The following KLF12 variants were observed in gnomAD, a reference collection of about 807,000 sequenced individuals.
KLF12 encodes Krueppel-like factor 12.
KLF12 carries 9 observed loss-of-function variants against 37.8 expected under a neutral mutation model. That is an observed-to-expected ratio of 0.24 (90% confidence interval 0.14 to 0.42). KLF12 has a LOEUF of 0.42. KLF12 is among the 10% of genes least tolerant of loss of function. The pLI is 1.00. For missense variants in KLF12, 411 were observed against 516.0 expected, an observed-to-expected ratio of 0.80 and a Z score of 1.97; for synonymous variants, 208 against 202.1, an observed-to-expected ratio of 1.03 and a Z score of -0.25.
chr13:73,976,081 A>G (rs1189089690), intron 2 of KLF12, among the ~76,000 whole-genome samples: 3 of 86,172 alleles, frequency 3.5e-5, no homozygotes, highest in Non-Finnish European at 5.5e-5. Flanking sequence ...TGCCTGGCAC[A>G]TAATAAGTCA....
chr13:74,221,948 C>T, the KLF12 span, among the ~76,000 whole-genome samples: 2 of 152,172 alleles, frequency 1.3e-5, no homozygotes, highest in Admixed American at 6.5e-5. Context: ...ATTTATGTGG[C>T]AATTTATCTT....
At chr13:73,884,264 C>A (rs180733116) in intron 3 of KLF12, among the ~76,000 whole-genome samples, 79 of 152,268 alleles carry the variant, frequency 5.2e-4, no homozygotes, top group South Asian at 1.2e-3. Flanking sequence ...AGCTGAAGGA[C>A]ATATCAATAC....
intron 3 of KLF12, among the ~76,000 whole-genome samples, chr13:73,873,370 A>G (rs905529028): frequency 6.6e-6 from 1 of 152,184 alleles, no homozygotes; most frequent in Non-Finnish European, 1.5e-5. Context: ...TGAGATTTCA[A>G]TCATTTCATC....
At position 73,718,682 on chromosome 13, in the gene KLF12, C is replaced by G. The variant is rs375905596; in HGVS notation, c.870-3157G>C. Reference sequence around the variant, plus strand: ...CTGATGTAGGTAGATCCCTTGAGCTCAGGAGTTCAAGACCAGCCAGGGCAA... The same window carrying G: ...CTGATGTAGGTAGATCCCTTGAGCTGAGGAGTTCAAGACCAGCCAGGGCAA... On this transcript the variant is annotated intron_variant, in intron 6 of 7. Transcript: ENST00000377669. Among the ~76,000 whole-genome samples the G allele has an allele frequency of 2.8e-4, 42 of 152,250 alleles. 6 individuals are homozygous for G. The highest frequency in any genetic ancestry group is 1.7e-3 in the Admixed American group (26 of 15,288).
At chr13:73,854,819 C>A (rs1357663250) in intron 3 of KLF12, among the ~76,000 whole-genome samples, 1 of 152,202 alleles carries the variant, frequency 6.6e-6, no homozygotes, top group Non-Finnish European at 1.5e-5. Context: ...TTCATTATCT[C>A]TCCAATCCTA....
intron 1 of KLF12, among the ~76,000 whole-genome samples, chr13:74,109,366 G>A (rs1320066230): frequency 6.6e-6 from 1 of 151,846 alleles, no homozygotes; most frequent in East Asian, 1.9e-4. Context: ...CAGCTTTGCT[G>A]GAGTGCAGGG....
intron 1 of KLF12, among the ~76,000 whole-genome samples, chr13:74,009,951 GCTTTTA>G (rs1414903071): frequency 1.3e-5 from 2 of 152,060 alleles, no homozygotes; most frequent in Non-Finnish European, 2.9e-5. Context: ...ACTTTTATTT[GCTTTTA>G]CTTTTATTTT....
chr13:73,794,286 C>T (rs1241133379), intron 5 of KLF12, among the ~76,000 whole-genome samples: 2 of 152,196 alleles, frequency 1.3e-5, no homozygotes, highest in Admixed American at 6.5e-5. Flanking sequence ...CATGGCGAAA[C>T]CCTGTCTCTA....
chr13:74,082,750 C>A (rs1874989453), intron 1 of KLF12, among the ~76,000 whole-genome samples: 1 of 151,942 alleles, frequency 6.6e-6, no homozygotes, highest in Non-Finnish European at 1.5e-5. Context: ...TTTAACTGGA[C>A]CTTTAGCAAG....
At chr13:73,828,507 T>A (rs1883969250) in intron 4 of KLF12, among the ~76,000 whole-genome samples, 1 of 149,860 alleles carries the variant, frequency 6.7e-6, no homozygotes, top group South Asian at 2.1e-4. Context: ...CCTAGATTTA[T>A]CTTTTCCTTT....
chr13:74,129,657 T>C (rs748568899), intron 1 of KLF12, among the ~76,000 whole-genome samples: 8 of 144,362 alleles, frequency 5.5e-5, no homozygotes, highest in Non-Finnish European at 9.1e-5. Context: ...ACCATGAGAG[T>C]AGCAACAAAA....
intron 1 of KLF12, among the ~76,000 whole-genome samples, chr13:74,125,626 C>G (rs1271655036): frequency 6.6e-6 from 1 of 152,166 alleles, no homozygotes; most frequent in Non-Finnish European, 1.5e-5. Context: ...TCTACTATTA[C>G]CACTGCTGCA....
the KLF12 span, among the ~76,000 whole-genome samples, chr13:74,272,929 A>G: frequency 6.6e-6 from 1 of 152,098 alleles, no homozygotes; most frequent in Non-Finnish European, 1.5e-5. Flanking sequence ...ATAAAAGTAA[A>G]AGCTTAAAAA....
At chr13:74,165,766 T>C in the KLF12 span, among the ~76,000 whole-genome samples, 1 of 152,182 alleles carries the variant, frequency 6.6e-6, no homozygotes, top group Admixed American at 6.6e-5. Flanking sequence ...TAGCTACAAC[T>C]CCTTCACATG....
intron 1 of KLF12, among the ~76,000 whole-genome samples, chr13:74,116,707 T>C (rs757929155): frequency 2.6e-5 from 4 of 152,220 alleles, no homozygotes; most frequent in Admixed American, 6.5e-5. Flanking sequence ...ATTTCAAAAC[T>C]TCTATAAACT....
chr13:74,085,379 A>G (rs965681206), intron 1 of KLF12, among the ~76,000 whole-genome samples: 7 of 152,196 alleles, frequency 4.6e-5, no homozygotes, highest in African/African-American at 1.7e-4. Flanking sequence ...CTAACACAAG[A>G]AAGACGTAGC....
chr13:74,104,396 G>C (rs1428056467), intron 1 of KLF12, among the ~76,000 whole-genome samples: 1 of 152,146 alleles, frequency 6.6e-6, no homozygotes, highest in African/African-American at 2.4e-5. Context: ...AACTTAACTT[G>C]CATGTTCTAT....
chr13:74,142,867 G>T, the KLF12 span, among the ~76,000 whole-genome samples: 1 of 152,048 alleles, frequency 6.6e-6, no homozygotes, highest in African/African-American at 2.4e-5. Flanking sequence ...AGCTAGATTT[G>T]GTATGCATCT....
intron 3 of KLF12, among the ~76,000 whole-genome samples, chr13:73,858,524 C>G (rs1371825891): frequency 6.6e-6 from 1 of 152,168 alleles, no homozygotes; most frequent in Non-Finnish European, 1.5e-5. Context: ...GTTCTAGAAA[C>G]TACCATCAAC....
Sources: gnomAD v4.1 joint callset for allele counts (sites outside exome capture counted in the v4.1 genomes callset) on GRCh38, gnomAD v4.1.1 for gene constraint, MANE v1.5 for transcripts, NCBI Gene and HGNC (gene_info 2026-07-23, HGNC 2026-07-21) for gene names.